FHIP1A: variants seen among roughly 807,000 people sequenced by gnomAD.
The protein encoded by FHIP1A is FHF complex subunit HOOK interacting protein 1A.
Under a neutral mutation model 88.6 loss-of-function variants are expected in FHIP1A, and 61 were observed. The ratio of observed to expected loss-of-function variants is 0.69; its 90% CI spans 0.56 to 0.85. FHIP1A has a LOEUF of 0.85. FHIP1A is among the 40% of genes least tolerant of loss of function. The probability of loss-of-function intolerance (pLI) is 0.00; values close to 1 mark genes in which losing one functional copy is unlikely to be tolerated. For synonymous variants in FHIP1A, 478 were observed against 496.0 expected, an observed-to-expected ratio of 0.96 and a Z score of 0.48; for missense variants, 1,154 against 1,273.5, an observed-to-expected ratio of 0.91 and a Z score of 1.43.
intron 9 of FHIP1A, among the ~76,000 whole-genome samples, chr4:151,639,631 C>G (rs1266657813): frequency 2.0e-5 from 3 of 152,154 alleles, no homozygotes; most frequent in Admixed American, 2.0e-4. Context: ...GTTGACTACT[C>G]TGGTGAAACC....
At chr4:151,564,292 G>A (rs888602800) in intron 3 of FHIP1A, among the ~76,000 whole-genome samples, 2 of 152,120 alleles carry the variant, frequency 1.3e-5, no homozygotes, top group Non-Finnish European at 2.9e-5. Flanking sequence ...GATTTTCTTC[G>A]TTATGATCAT....
At chr4:151,502,840 G>A (rs989588574) in intron 3 of FHIP1A, among the ~76,000 whole-genome samples, 1 of 152,152 alleles carries the variant, frequency 6.6e-6, no homozygotes, top group Non-Finnish European at 1.5e-5. Flanking sequence ...TGCTAGAGAG[G>A]TGTCATTTCT....
chr4:151,565,024 G>A (rs1169167609), intron 3 of FHIP1A, among the ~76,000 whole-genome samples: 1 of 152,014 alleles, frequency 6.6e-6, no homozygotes, highest in African/African-American at 2.4e-5. Context: ...ATAGCCGATC[G>A]GTGTTCTCCT....
At chr4:151,527,307 C>T (rs948126511) in intron 3 of FHIP1A, among the ~76,000 whole-genome samples, 14 of 152,280 alleles carry the variant, frequency 9.2e-5, no homozygotes, top group East Asian at 7.7e-4. Flanking sequence ...AGATCACTCG[C>T]GGTTAGGAGC....
At position 151,412,829 on chromosome 4, in the gene FHIP1A, C is replaced by G. The variant is rs577467704; in HGVS notation, c.-356+3364C>G. On this transcript the variant is annotated intron_variant, in intron 1 of 13. Coordinates refer to ENST00000435205, the MANE Select transcript of FHIP1A (RefSeq NM_001109977.3). ...CCTCCCGAGTAGCTAGGATTACAGG[C>G]AAGCACCACCACGCCTGGCTAATTT... is the stretch of plus-strand genomic sequence containing the variant. Among the ~76,000 whole-genome samples, 253 of 151,428 alleles carry G rather than the reference C, an allele frequency of 1.7e-3. 1 individual carries two copies. Among genetic ancestry groups the G allele is most frequent in the African/African-American group, 5.1e-3 (210 of 41,256 alleles).
In FHIP1A at chr4:151,526,363, C is replaced by T. The variant is rs1415248298; in HGVS notation, c.-122-39775C>T. The stretch of plus-strand genomic sequence containing the variant: ...GCAGAGGCGCCCCTCACCTCCCAGA[C>T]GAGGCGGCTGGCCGGGCGGGGGGCT... On this transcript the variant is annotated intron_variant, in intron 3 of 13. Coordinates refer to ENST00000435205, the MANE Select transcript of FHIP1A (RefSeq NM_001109977.3). 1.1e-4 allele frequency among the ~76,000 whole-genome samples: 16 copies of T among 151,490 alleles called. No homozygotes were observed. In the East Asian group the frequency reaches 2.2e-3, roughly 21 times the overall value.
Position 151,656,208 on chromosome 4 carries a change from T to G in FHIP1A, c.2552-24T>G. ...GCATCCCTGTGAGCCCAGCCAGCCC[T>G]GAAGCCTTGTGTTCTTCCTGCAGGC... On this transcript the variant is annotated intron_variant, in intron 11 of 13. Coordinates refer to ENST00000435205, the MANE Select transcript of FHIP1A (RefSeq NM_001109977.3). The surrounding 1 kb of genome is among the most constrained non-coding windows in gnomAD (Gnocchi z 4.2). The G allele has an allele frequency of 6.5e-7, 1 of 1,546,942 alleles. No homozygotes were observed. The highest frequency in any genetic ancestry group is 8.7e-7 in the Non-Finnish European group (1 of 1,142,974).
Position 151,548,241 on chromosome 4 carries a change from T to A in FHIP1A, c.-122-17897T>A, listed in dbSNP as rs112846173. Among the ~76,000 whole-genome samples the A allele has an allele frequency of 7.9e-5, 12 of 152,294 alleles. 1 individual carries two copies. Among genetic ancestry groups the A allele is most frequent in the African/African-American group, 2.6e-4 (11 of 41,568 alleles). Reference sequence around the variant, plus strand: ...CAAACCCCTGGTCTAGTGTTGTTGGTGCTACACCAAAATAGGTAACTGCTT... The same window carrying A: ...CAAACCCCTGGTCTAGTGTTGTTGGAGCTACACCAAAATAGGTAACTGCTT... On this transcript the variant is annotated intron_variant, in intron 3 of 13. Transcript: ENST00000435205.
chr4:151,566,458 C>A, intron 4 of FHIP1A, 94 bp downstream of exon 4: 1 of 677,984 alleles, frequency 1.5e-6, no homozygotes, highest in Non-Finnish European at 2.6e-6. Context: ...TGATAGGTAA[C>A]TAGATTGCTA....
chr4:151,530,721 TAACA>T (rs1245495123), intron 3 of FHIP1A, among the ~76,000 whole-genome samples: 3 of 152,188 alleles, frequency 2.0e-5, no homozygotes, highest in South Asian at 4.1e-4. Context: ...TTGTAGTGAC[TAACA>T]AACAGTATAG....
chr4:151,425,868 T>C (rs979499337), intron 1 of FHIP1A, among the ~76,000 whole-genome samples: 17 of 152,220 alleles, frequency 1.1e-4, no homozygotes, highest in African/African-American at 4.1e-4. Context: ...TAAGGATACA[T>C]GTGTGCTCGC....
chr4:151,434,045 C>T (rs751013164), intron 1 of FHIP1A, among the ~76,000 whole-genome samples: 5 of 152,082 alleles, frequency 3.3e-5, no homozygotes, highest in East Asian at 1.9e-4. Flanking sequence ...TGTTTGTTCC[C>T]GATGGAAAAT....
chr4:151,520,370 G>A (rs758435414), intron 3 of FHIP1A, among the ~76,000 whole-genome samples: 1 of 152,028 alleles, frequency 6.6e-6, no homozygotes, highest in Non-Finnish European at 1.5e-5. Flanking sequence ...GATTGTGTGT[G>A]TGGGAGTCTG....
chr4:151,411,345 A>ATT (rs1266533808), intron 1 of FHIP1A, among the ~76,000 whole-genome samples: 15 of 121,634 alleles, frequency 1.2e-4, no homozygotes, highest in African/African-American at 4.5e-4. Flanking sequence ...GAAATTATAT[A>ATT]TATATTTTTT....
intron 3 of FHIP1A, among the ~76,000 whole-genome samples, chr4:151,522,999 T>C (rs896599887): frequency 6.6e-6 from 1 of 152,220 alleles, no homozygotes; most frequent in African/African-American, 2.4e-5. Context: ...CATGATCATT[T>C]ATACACTGTC....
chr4:151,614,036 G>A (rs187115077), intron 7 of FHIP1A, among the ~76,000 whole-genome samples: 64 of 151,814 alleles, frequency 4.2e-4, no homozygotes, highest in South Asian at 1.7e-3. Context: ...GGTGGCGCAC[G>A]CCTGTAGTCT....
rs1039276470 is a variant in FHIP1A, at chr4:151,542,029, G to A, written c.-122-24109G>A. Among the ~76,000 whole-genome samples, 2 of 152,126 alleles carry A rather than the reference G, an allele frequency of 1.3e-5. 1 individual carries two copies. The highest frequency in any genetic ancestry group is 4.2e-4 in the South Asian group (2 of 4,818). On this transcript the variant is annotated intron_variant, in intron 3 of 13. Coordinates refer to ENST00000435205, the MANE Select transcript of FHIP1A (RefSeq NM_001109977.3). Reference sequence around the variant, plus strand: ...AGTTCACACCATTTGCAGTGGGGAGGAGCCTGGCCTCTCCTTTCCTGTTAA... The same window carrying A: ...AGTTCACACCATTTGCAGTGGGGAGAAGCCTGGCCTCTCCTTTCCTGTTAA...
At chr4:151,629,627 T>G in intron 7 of FHIP1A, 75 bp from the exon 8 acceptor site, 2 of 1,370,300 alleles carry the variant, frequency 1.5e-6, no homozygotes, top group Non-Finnish European at 2.0e-6. Context: ...GTGGTGAGGC[T>G]GGGGGCCACG....
intron 3 of FHIP1A, among the ~76,000 whole-genome samples, chr4:151,542,173 A>G (rs1414888080): frequency 6.6e-6 from 1 of 152,068 alleles, no homozygotes; most frequent in African/African-American, 2.4e-5. Flanking sequence ...TTGTGTGACG[A>G]GAACCCAGTT....
Sources: allele counts gnomAD v4.1 joint callset (sites outside exome capture counted in the v4.1 genomes callset), GRCh38; gene constraint gnomAD v4.1.1; non-coding constraint Gnocchi (gnomAD v3.1); transcripts MANE v1.5; gene names NCBI Gene and HGNC (gene_info 2026-07-23, HGNC 2026-07-21).